The following MAF variants were observed in gnomAD, a reference collection of about 807,000 sequenced individuals.
MAF encodes the protein MAF bZIP transcription factor, also known as transcription factor Maf.
MAF carries 10 observed loss-of-function variants against 22.0 expected under a neutral mutation model. That is an observed-to-expected ratio of 0.45 (90% confidence interval 0.28 to 0.77). The LOEUF (loss-of-function observed/expected upper bound fraction) is 0.77. MAF is among the 30% of genes least tolerant of loss of function. The pLI is 0.12. For missense variants in MAF, 544 were observed against 548.4 expected, an observed-to-expected ratio of 0.99 and a Z score of 0.08; for synonymous variants, 337 against 255.8, an observed-to-expected ratio of 1.32 and a Z score of -3.03.
the MAF span, among the ~76,000 whole-genome samples, chr16:79,572,874 T>C: frequency 6.6e-6 from 1 of 152,220 alleles, no homozygotes; most frequent in Non-Finnish European, 1.5e-5. Context: ...AAAAAGGTGT[T>C]ATGTCTGTGA....
the MAF span, among the ~76,000 whole-genome samples, chr16:79,405,658 T>C: frequency 6.6e-6 from 1 of 152,324 alleles, no homozygotes; most frequent in South Asian, 2.1e-4. Flanking sequence ...GAAGAAAGAC[T>C]TCGAATGTTC....
At chr16:79,385,551 A>C in the MAF span, among the ~76,000 whole-genome samples, 1 of 152,236 alleles carries the variant, frequency 6.6e-6, no homozygotes, top group Non-Finnish European at 1.5e-5. Flanking sequence ...TTGAATAATA[A>C]GATTATACTT....
At chr16:79,445,710 C>G in the MAF span, among the ~76,000 whole-genome samples, 1 of 152,098 alleles carries the variant, frequency 6.6e-6, no homozygotes, top group Non-Finnish European at 1.5e-5. Flanking sequence ...AGCAAAGGAC[C>G]AGTTTGCATC....
At chr16:79,223,605 A>C in the MAF span, among the ~76,000 whole-genome samples, 1 of 152,174 alleles carries the variant, frequency 6.6e-6, no homozygotes, top group Admixed American at 6.5e-5. Context: ...AACAAAATAC[A>C]CCACTAGCCA....
the MAF span, among the ~76,000 whole-genome samples, chr16:79,347,632 G>A: frequency 4.6e-5 from 7 of 152,290 alleles, no homozygotes; most frequent in Admixed American, 3.9e-4. Flanking sequence ...GATCTGAGCC[G>A]GGTTTATAAA....
chr16:79,506,770 G>A, the MAF span, among the ~76,000 whole-genome samples: 11 of 152,184 alleles, frequency 7.2e-5, no homozygotes, highest in Admixed American at 7.2e-4. Context: ...GAGAACCAAT[G>A]ATGCTGCCAC....
the MAF span, among the ~76,000 whole-genome samples, chr16:79,255,528 C>T: frequency 6.6e-6 from 1 of 152,330 alleles, no homozygotes; most frequent in East Asian, 1.9e-4. Context: ...CACCTCACAA[C>T]AATAACACAT....
chr16:79,213,819 C>A, the MAF span, among the ~76,000 whole-genome samples: 1 of 152,222 alleles, frequency 6.6e-6, no homozygotes. Context: ...TTTTAAGCCA[C>A]TAAGTTTCAG....
At chr16:79,377,473 A>G in the MAF span, among the ~76,000 whole-genome samples, 2 of 152,140 alleles carry the variant, frequency 1.3e-5, no homozygotes, top group African/African-American at 2.4e-5. Context: ...CCCATTCTGT[A>G]GGTTGCCTGT....
chr16:79,386,338 G>A, the MAF span, among the ~76,000 whole-genome samples: 1 of 152,334 alleles, frequency 6.6e-6, no homozygotes, highest in East Asian at 1.9e-4. Context: ...GACAGTGACA[G>A]ATCATCAGGC....
At chr16:79,214,596 G>A in the MAF span, among the ~76,000 whole-genome samples, 10 of 151,576 alleles carry the variant, frequency 6.6e-5, no homozygotes, top group Admixed American at 5.3e-4. Flanking sequence ...AAGTAGAGAC[G>A]GGGTTTCACT....
At chr16:79,459,848 G>A in the MAF span, among the ~76,000 whole-genome samples, 1 of 152,176 alleles carries the variant, frequency 6.6e-6, no homozygotes, top group Non-Finnish European at 1.5e-5. Context: ...ACAGGCATGA[G>A]CCACTGTGCC....
the MAF span, among the ~76,000 whole-genome samples, chr16:79,286,917 A>G: frequency 6.6e-6 from 1 of 152,186 alleles, no homozygotes; most frequent in Non-Finnish European, 1.5e-5. Context: ...TTCTTGGAGT[A>G]TGGCACAGAC....
At chr16:79,324,249 G>T in the MAF span, among the ~76,000 whole-genome samples, 1 of 152,216 alleles carries the variant, frequency 6.6e-6, no homozygotes, top group Admixed American at 6.5e-5. Flanking sequence ...CTCATTGCCA[G>T]GGTGTGGTAA....
the MAF span, among the ~76,000 whole-genome samples, chr16:79,573,899 T>C: frequency 0.072 from 10,902 of 152,302 alleles, 539 homozygotes; most frequent in Middle Eastern, 0.16. Flanking sequence ...ATTGCAAAGA[T>C]GTCATCTTGG....
At chr16:79,237,860 T>G in the MAF span, among the ~76,000 whole-genome samples, 1 of 152,210 alleles carries the variant, frequency 6.6e-6, no homozygotes, top group African/African-American at 2.4e-5. Context: ...GGGGGCACAG[T>G]CACCCCCTGT....
the MAF span, among the ~76,000 whole-genome samples, chr16:79,248,285 G>T: frequency 6.6e-6 from 1 of 151,682 alleles, no homozygotes; most frequent in African/African-American, 2.4e-5. Context: ...TTGCTTTTTG[G>T]AATAAAGCAA....
chr16:79,368,364 G>C, the MAF span, among the ~76,000 whole-genome samples: 262 of 152,174 alleles, frequency 1.7e-3, 1 homozygote, highest in Non-Finnish European at 2.9e-3. Context: ...ATCTAATTTT[G>C]AACAATCAGG....
the MAF span, among the ~76,000 whole-genome samples, chr16:79,368,980 G>C: frequency 6.6e-6 from 1 of 152,166 alleles, no homozygotes; most frequent in Non-Finnish European, 1.5e-5. Context: ...CCTCCTACCA[G>C]AGAACAGGCT....
Sources: allele counts gnomAD v4.1 joint callset (sites outside exome capture counted in the v4.1 genomes callset), GRCh38; gene constraint gnomAD v4.1.1; transcripts MANE v1.5; gene names NCBI Gene and HGNC (gene_info 2026-07-23, HGNC 2026-07-21).